Variants in WIPF1 observed in about 807,000 individuals in gnomAD.
WIPF1 encodes WAS/WASL interacting protein family member 1, also known as WAS/WASL-interacting protein family member 1.
WIPF1 carries 13 observed loss-of-function variants against 35.4 expected under a neutral mutation model. That is an observed-to-expected ratio of 0.37 (90% CI 0.24 to 0.58). The LOEUF is 0.58. WIPF1 is among the 20% of genes least tolerant of loss of function. The pLI is 0.74. For synonymous variants in WIPF1, 267 were observed against 266.3 expected, an observed-to-expected ratio of 1.00 and a Z score of -0.02; for missense variants, 591 against 667.0, an observed-to-expected ratio of 0.89 and a Z score of 1.25.
chr2:174,676,732 T>C, intron 1 of WIPF1: 1 of 152,180 alleles, frequency 6.6e-6, no homozygotes, highest in East Asian at 1.9e-4. Context: ...GACCAGGAAA[T>C]ATCACTTCTT....
intron 1 of WIPF1, among the ~76,000 whole-genome samples, chr2:174,593,840 G>T (rs112799206): frequency 6.6e-6 from 1 of 152,138 alleles, no homozygotes; most frequent in Non-Finnish European, 1.5e-5. Flanking sequence ...AGAAAGGTTC[G>T]TTTCTATTAT....
At position 174,622,708 on chromosome 2, in the gene WIPF1, C is replaced by T. The variant is rs1320222288; in HGVS notation, c.-38-37097G>A. Among the ~76,000 whole-genome samples, 4 of 152,186 alleles carry T rather than the reference C, an allele frequency of 2.6e-5. No individual in the cohort carries two copies. The highest frequency in any genetic ancestry group is 6.5e-5 in the Admixed American group (1 of 15,276). ...CTGATTAGCACTTGTGTCTGCCCCG[C>T]GGTCAGAAATTTTATATGGCAACCT... is the stretch of plus-strand genomic sequence containing the variant. On this transcript the variant is annotated intron_variant, in intron 1 of 8. Transcript: ENST00000272746. The surrounding 1 kb of genome is among the most constrained non-coding windows in gnomAD (Gnocchi z 5.1).
intron 1 of WIPF1, chr2:174,676,792 A>C (rs975898848): frequency 2.2e-4 from 33 of 152,136 alleles, no homozygotes; most frequent in Non-Finnish European, 8.8e-5. Context: ...AAAACTTCCC[A>C]CTTCTTAATT....
At chr2:174,631,305 C>T (rs560762355) in intron 1 of WIPF1, among the ~76,000 whole-genome samples, 103 of 152,290 alleles carry the variant, frequency 6.8e-4, no homozygotes, top group Non-Finnish European at 1.3e-3. Context: ...ATGTTTGACA[C>T]GTGCTAACAA....
chr2:174,643,351 C>A (rs1687338201), intron 1 of WIPF1, among the ~76,000 whole-genome samples: 1 of 149,230 alleles, frequency 6.7e-6, no homozygotes, highest in Non-Finnish European at 1.5e-5. Flanking sequence ...TGTTAGCCTC[C>A]CACTATCACG....
rs79127372 is a variant in WIPF1, at chr2:174,626,340, G to C, written c.-38-40729C>G. 7.4e-3 allele frequency among the ~76,000 whole-genome samples: 1,121 copies of C among 152,266 alleles called. 46 individuals carry two copies. The East Asian group carries it at 0.097, about 13-fold the overall frequency. On this transcript the variant is annotated intron_variant, in intron 1 of 8. Coordinates refer to the WIPF1 transcript ENST00000272746. ...ACCAGTGAACACATCACTATGCAGA[G>C]TCACATTCCATGTTTTTAATGGAAG...
intron 1 of WIPF1, among the ~76,000 whole-genome samples, chr2:174,603,999 C>T (rs1686082313): frequency 6.6e-6 from 1 of 152,214 alleles, no homozygotes; most frequent in Non-Finnish European, 1.5e-5. Flanking sequence ...CAGAACACTT[C>T]ATAGGCCATT....
At chr2:174,653,812 C>T (rs1430915074) in intron 1 of WIPF1, among the ~76,000 whole-genome samples, 1 of 151,548 alleles carries the variant, frequency 6.6e-6, no homozygotes, top group Non-Finnish European at 1.5e-5. Context: ...TCTCTGGATA[C>T]CTGAAAAGAA....
At chr2:174,610,798 C>G (rs1391961726) in intron 1 of WIPF1, among the ~76,000 whole-genome samples, 27 of 152,108 alleles carry the variant, frequency 1.8e-4, no homozygotes, top group Admixed American at 1.8e-3. Flanking sequence ...CAGCTCCTGA[C>G]CACGGCTCCT....
chr2:174,588,017 G>C (rs1685479859), intron 1 of WIPF1, among the ~76,000 whole-genome samples: 1 of 152,206 alleles, frequency 6.6e-6, no homozygotes, highest in East Asian at 1.9e-4. Context: ...TTGTGAGCAG[G>C]ACTGGGTGCC....
At chr2:174,583,875 A>G (rs1685317042) in intron 2 of WIPF1, among the ~76,000 whole-genome samples, 3 of 152,142 alleles carry the variant, frequency 2.0e-5, no homozygotes, top group Non-Finnish European at 4.4e-5. Flanking sequence ...GCTGGAGTGC[A>G]GTAGTGCAAT....
intron 1 of WIPF1, among the ~76,000 whole-genome samples, chr2:174,652,482 T>C (rs1687551514): frequency 6.6e-6 from 1 of 152,230 alleles, no homozygotes; most frequent in Non-Finnish European, 1.5e-5. Context: ...AACAAAAGGA[T>C]ACAACTGGTG....
chr2:174,587,209 G>T (rs866977181), intron 1 of WIPF1, among the ~76,000 whole-genome samples: 27 of 152,008 alleles, frequency 1.8e-4, no homozygotes, highest in Middle Eastern at 6.8e-3. Flanking sequence ...GTTGTGATGG[G>T]TCTTGCTATG....
At chr2:174,616,284 A>C (rs1488073508) in intron 1 of WIPF1, among the ~76,000 whole-genome samples, 1 of 152,168 alleles carries the variant, frequency 6.6e-6, no homozygotes, top group African/African-American at 2.4e-5. Context: ...AGGGATGATG[A>C]GTTATCCATC....
intron 7 of WIPF1, among the ~76,000 whole-genome samples, chr2:174,563,527 C>T (rs1480350747): frequency 6.6e-6 from 1 of 152,160 alleles, no homozygotes; most frequent in Non-Finnish European, 1.5e-5. Context: ...AAGATTGCGC[C>T]ACTGCACTCC....
At chr2:174,671,155 G>A (rs550962677) in intron 1 of WIPF1, among the ~76,000 whole-genome samples, 5 of 152,354 alleles carry the variant, frequency 3.3e-5, no homozygotes, top group African/African-American at 1.2e-4. Flanking sequence ...TGAAGCCATG[G>A]CAGAAGAACA....
At chr2:174,665,537 T>C (rs1687873214) in intron 1 of WIPF1, 1 of 152,256 alleles carries the variant, frequency 6.6e-6, no homozygotes, top group Non-Finnish European at 1.5e-5. Flanking sequence ...TTTCTACATG[T>C]CTGACAAATT....
At chr2:174,668,002 C>G (rs945855835) in intron 1 of WIPF1, among the ~76,000 whole-genome samples, 4 of 152,156 alleles carry the variant, frequency 2.6e-5, no homozygotes, top group Non-Finnish European at 5.9e-5. Context: ...TACAGGACAG[C>G]TACCCTTTGA....
chr2:174,651,629 C>T (rs1051953952), intron 1 of WIPF1, among the ~76,000 whole-genome samples: 1 of 152,164 alleles, frequency 6.6e-6, no homozygotes, highest in Non-Finnish European at 1.5e-5. Context: ...AGGTGGTTCT[C>T]ACAATCAAGA....
Sources: allele counts gnomAD v4.1 joint callset (sites outside exome capture counted in the v4.1 genomes callset), GRCh38; gene constraint gnomAD v4.1.1; non-coding constraint Gnocchi (gnomAD v3.1); transcripts MANE v1.5; gene names NCBI Gene and HGNC (gene_info 2026-07-23, HGNC 2026-07-21).